NF1: variants seen among roughly 807,000 people sequenced by gnomAD.
NF1 encodes neurofibromin 1.
In NF1, 122 loss-of-function variants were observed where a neutral mutation model predicts 325.7. The ratio of observed to expected loss-of-function variants is 0.37; its 90% CI spans 0.32 to 0.44. NF1 has a LOEUF of 0.44. Among genes scored for constraint, NF1 ranks in the 20% least tolerant of loss-of-function variants. The pLI is 1.00. For synonymous variants in NF1, 1,091 were observed against 1,186.0 expected (o/e 0.92, Z 1.65); for missense variants, 2,140 against 3,415.4 (o/e 0.63, Z 9.31).
At chr17:31,168,834 T>A (rs2065887121) in intron 4 of NF1, among the ~76,000 whole-genome samples, 1 of 152,222 alleles carries the variant, frequency 6.6e-6, no homozygotes, top group African/African-American at 2.4e-5. Context: ...GATCACTGCC[T>A]GGATTCCACT....
At position 31,226,445 on chromosome 17, in the gene NF1, C is replaced by G. The variant is rs760900648; in HGVS notation, c.2012C>G (p.Ala671Gly). ...ACCCTTGACTCTCAGGATAGTGCAG[C>G]AGGATGCAGCGGAACCCCCCCGATT... ...GKGNSSMDSA[A>G]GCSGTPPICR... is the part of the protein sequence containing the mutation. Residue 671 changes from alanine to glycine, a missense_variant, in exon 18 of 58, where the codon GCA becomes GGA. Physicochemically the swap from Ala to Gly is moderately conservative, Grantham distance 60. Coordinates refer to ENST00000358273, the MANE Select transcript of NF1 (RefSeq NM_001042492.3). The G allele has an allele frequency of 2.5e-6, 4 of 1,613,478 alleles. No individual in the cohort carries two copies. The highest frequency in any genetic ancestry group is 3.4e-6 in the Non-Finnish European group (4 of 1,179,742).
chr17:31,153,504 T>A (rs1443544804), intron 1 of NF1, among the ~76,000 whole-genome samples: 1 of 152,238 alleles, frequency 6.6e-6, no homozygotes, highest in African/African-American at 2.4e-5. Flanking sequence ...ATTCCTAAAT[T>A]GGGCTGCTGT....
chr17:31,127,269 C>T (rs1325903793), intron 1 of NF1, among the ~76,000 whole-genome samples: 1 of 152,088 alleles, frequency 6.6e-6, no homozygotes, highest in African/African-American at 2.4e-5. Flanking sequence ...ATTGGTTTTA[C>T]AGTCAGTTTA....
intron 13 of NF1, among the ~76,000 whole-genome samples, chr17:31,216,204 C>T (rs888213537): frequency 2.6e-5 from 4 of 152,170 alleles, no homozygotes; most frequent in African/African-American, 9.7e-5. Context: ...ACTCTGTTTA[C>T]GTGGTGATAA....
chr17:31,208,123 G>A (rs975291300), intron 12 of NF1, among the ~76,000 whole-genome samples: 6 of 152,042 alleles, frequency 3.9e-5, no homozygotes, highest in Non-Finnish European at 4.4e-5. Flanking sequence ...TTATTTTACC[G>A]AAAAGCCATA....
chr17:31,205,215 G>A (rs574861907), intron 11 of NF1, among the ~76,000 whole-genome samples: 127 of 152,150 alleles, frequency 8.3e-4, no homozygotes, highest in African/African-American at 2.7e-3. Flanking sequence ...TTAAAATGTC[G>A]AGACTTCAAT....
At chr17:31,239,420 C>A (rs922187499) in intron 29 of NF1, among the ~76,000 whole-genome samples, 3 of 151,886 alleles carry the variant, frequency 2.0e-5, no homozygotes, top group Non-Finnish European at 4.4e-5. Flanking sequence ...GAAAATACAT[C>A]AAAATTTGTG....
At chr17:31,181,043 T>A (rs1048088278) in intron 5 of NF1, among the ~76,000 whole-genome samples, 1 of 152,162 alleles carries the variant, frequency 6.6e-6, no homozygotes, top group African/African-American at 2.4e-5. Context: ...TTACAAGGGA[T>A]GTGAAGGACC....
At chr17:31,221,718 T>C in intron 14 of NF1, 132 bp from the exon 15 acceptor site, 1 of 678,472 alleles carries the variant, frequency 1.5e-6, no homozygotes, top group Non-Finnish European at 2.6e-6. Context: ...TTTTACCTTT[T>C]ACTATATATT....
chr17:31,190,913 T>TA (rs2066331259), intron 8 of NF1, among the ~76,000 whole-genome samples: 1 of 152,244 alleles, frequency 6.6e-6, no homozygotes, highest in Non-Finnish European at 1.5e-5. Context: ...CAGGTATTCT[T>TA]ACCTTCTCTT....
chr17:31,106,390 GTTA>G (rs1056104618), intron 1 of NF1, among the ~76,000 whole-genome samples: 2 of 151,986 alleles, frequency 1.3e-5, no homozygotes, highest in Non-Finnish European at 2.9e-5. Context: ...TAATTTGGTG[GTTA>G]TTATTTCTAC....
At chr17:31,166,323 G>A (rs1236616491) in intron 4 of NF1, among the ~76,000 whole-genome samples, 3 of 151,896 alleles carry the variant, frequency 2.0e-5, no homozygotes, top group Non-Finnish European at 2.9e-5. Context: ...CGTATTTTAC[G>A]TTCTCTTTAG....
chr17:31,356,106 A>T (rs1172461333), intron 51 of NF1: 1 of 212,228 alleles, frequency 4.7e-6, no homozygotes, highest in Non-Finnish European at 9.6e-6. Flanking sequence ...GACTGGTCAG[A>T]CATAGTTGAC....
In NF1 at chr17:31,210,014, A is replaced by G. The variant is rs1162139711; in HGVS notation, c.1392+3643A>G. ...CTGTTTTTATAGCTAAAGAAACTGA[A>G]GCTTAAATAAAGTTATATTAATAAC... On this transcript the variant is annotated intron_variant, in intron 12 of 57. Transcript: ENST00000358273. 2.0e-5 allele frequency among the ~76,000 whole-genome samples: 3 copies of G among 152,282 alleles called. No individual in the cohort carries two copies. The East Asian group carries it at 5.8e-4, about 29-fold the overall frequency.
chr17:31,348,554 CT>C (rs1351494439), intron 48 of NF1, among the ~76,000 whole-genome samples: 1 of 149,948 alleles, frequency 6.7e-6, no homozygotes. Flanking sequence ...AGACAAATAA[CT>C]TTTTCATGGT....
intron 36 of NF1, among the ~76,000 whole-genome samples, chr17:31,298,575 T>C (rs1054187315): frequency 1.3e-5 from 2 of 152,098 alleles, no homozygotes; most frequent in African/African-American, 4.8e-5. Context: ...ATAAAACTAA[T>C]GTTCCTCGAA....
chr17:31,096,116 A>T, intron 1 of NF1, among the ~76,000 whole-genome samples: 1 of 147,642 alleles, frequency 6.8e-6, no homozygotes, highest in African/African-American at 2.5e-5. Context: ...CCCTTCCTTG[A>T]TAATTGCAGT....
intron 17 of NF1, 88 bp from the exon 18 acceptor site, chr17:31,226,347 A>ACG: frequency 6.6e-7 from 1 of 1,503,890 alleles, no homozygotes; most frequent in South Asian, 1.2e-5. Context: ...ACACACACAC[A>ACG]CACACACACA....
intron 36 of NF1, chr17:31,303,951 G>GA (rs917757974): frequency 8.7e-5 from 16 of 184,652 alleles, no homozygotes; most frequent in African/African-American, 9.4e-5. Flanking sequence ...CTTTTCAGGG[G>GA]AAAAAAAACT....
Sources: allele counts gnomAD v4.1 joint callset (sites outside exome capture counted in the v4.1 genomes callset), GRCh38; gene constraint gnomAD v4.1.1; transcripts MANE v1.5; gene names NCBI Gene and HGNC (gene_info 2026-07-23, HGNC 2026-07-21).